RASA2: variants seen among roughly 807,000 people sequenced by gnomAD.
RASA2 encodes RAS p21 protein activator 2.
RASA2 carries 155 observed loss-of-function variants against 118.2 expected under a neutral mutation model. That is an observed-to-expected ratio of 1.31 (90% CI 1.15 to 1.50). The LOEUF is 1.50. Among genes scored for constraint, RASA2 ranks in the 40% most tolerant of loss-of-function variants. RASA2 has a pLI of 0.00. For synonymous variants in RASA2, 353 were observed against 349.1 expected, an observed-to-expected ratio of 1.01 and a Z score of -0.12; for missense variants, 1,016 against 1,009.6, an observed-to-expected ratio of 1.01 and a Z score of -0.09.
chr3:141,488,091 A>T (rs1056972740), intron 1 of RASA2, among the ~76,000 whole-genome samples: 1 of 152,178 alleles, frequency 6.6e-6, no homozygotes, highest in Non-Finnish European at 1.5e-5. Flanking sequence ...TCCGAGCATT[A>T]CTGTGGACAG....
chr3:141,488,892 T>G (rs1251923611), intron 1 of RASA2, among the ~76,000 whole-genome samples: 1 of 152,204 alleles, frequency 6.6e-6, no homozygotes, highest in Admixed American at 6.5e-5. Flanking sequence ...AACTGCAGGT[T>G]TTACCATGGA....
rs1428936655 is a variant in RASA2, at chr3:141,586,969, G to A, written c.1933+217G>A. The A allele has an allele frequency of 5.3e-6, 3 of 566,596 alleles. No homozygotes were observed. In the African/African-American group the frequency reaches 5.7e-5, roughly 11 times the overall value. The allele number at this position is 566,596 out of a possible 1,614,324, so 35.1% of individuals were successfully genotyped here. A position where few individuals can be genotyped will look rare whatever the true frequency, so the allele number is the denominator to read the frequency against. On this transcript the variant is annotated intron_variant, in intron 19 of 23. Coordinates refer to ENST00000286364, the MANE Select transcript of RASA2 (RefSeq NM_006506.5). ...TAAATTTCTTGAGTTTCTGAAAATG[G>A]TGTTCCTTCAGTGTGCTCTGTTTTC...
intron 5 of RASA2, among the ~76,000 whole-genome samples, chr3:141,548,512 A>G (rs914168941): frequency 1.3e-5 from 2 of 152,056 alleles, no homozygotes; most frequent in Non-Finnish European, 1.5e-5. Flanking sequence ...ACTGTCTTGT[A>G]GCAGCAGAGT....
In RASA2 at chr3:141,529,671, G is replaced by A. The variant is rs111720442; in HGVS notation, c.356-37G>A. ...CTAATGAGTCTTAGGATTATACGAA[G>A]CATGTTTTCTTATATTGTTTTACTT... On this transcript the variant is annotated intron_variant, in intron 3 of 23. Coordinates refer to ENST00000286364, the MANE Select transcript of RASA2 (RefSeq NM_006506.5). 4.0e-5 allele frequency: 57 copies of A among 1,437,864 alleles called. No homozygotes were observed. The African/African-American group carries it at 5.2e-4, about 13-fold the overall frequency. 89.1% of individuals were successfully genotyped at this position (1,437,864 alleles called of 1,614,324 possible). A position where few individuals can be genotyped will look rare whatever the true frequency, so the allele number is the denominator to read the frequency against.
intron 15 of RASA2, among the ~76,000 whole-genome samples, chr3:141,580,085 A>AATATATATATATATATATAT (rs1207351331): frequency 3.4e-5 from 2 of 59,594 alleles, no homozygotes; most frequent in African/African-American, 6.8e-5. Context: ...AAAAAAAAAA[A>AATATATATATATATATATAT]ATATATATAT....
At chr3:141,513,771 C>T (rs545419850) in intron 2 of RASA2, among the ~76,000 whole-genome samples, 14 of 152,272 alleles carry the variant, frequency 9.2e-5, no homozygotes, top group African/African-American at 2.9e-4. Flanking sequence ...GAGTATTTTA[C>T]TTTATATTTC....
At chr3:141,563,499 AT>A (rs1466780004) in intron 9 of RASA2, among the ~76,000 whole-genome samples, 1 of 152,184 alleles carries the variant, frequency 6.6e-6, no homozygotes, top group Non-Finnish European at 1.5e-5. Context: ...ATTGATAGTT[AT>A]TCATATATTT....
intron 4 of RASA2, among the ~76,000 whole-genome samples, chr3:141,538,193 T>C (rs1471738738): frequency 6.6e-6 from 1 of 152,104 alleles, no homozygotes; most frequent in African/African-American, 2.4e-5. Context: ...AACTGAACTT[T>C]TGTGTGAAAA....
At chr3:141,571,974 C>T (rs1314425990) in intron 11 of RASA2, among the ~76,000 whole-genome samples, 1 of 148,652 alleles carries the variant, frequency 6.7e-6, no homozygotes, top group Non-Finnish European at 1.5e-5. Flanking sequence ...CACACAGAGA[C>T]ATACATATAC....
chr3:141,527,057 TTA>T (rs1482015767), intron 3 of RASA2, among the ~76,000 whole-genome samples: 3 of 152,296 alleles, frequency 2.0e-5, no homozygotes, highest in African/African-American at 7.2e-5. Context: ...GCATTGTTAG[TTA>T]AATAGAGTTT....
intron 1 of RASA2, among the ~76,000 whole-genome samples, chr3:141,509,350 C>T (rs1387997811): frequency 3.3e-5 from 5 of 152,316 alleles, no homozygotes; most frequent in African/African-American, 1.2e-4. Flanking sequence ...AAAATAACCT[C>T]ATTGTCTCTC....
intron 4 of RASA2, among the ~76,000 whole-genome samples, chr3:141,536,553 C>G (rs547744816): frequency 3.9e-5 from 6 of 152,218 alleles, no homozygotes; most frequent in Non-Finnish European, 5.9e-5. Context: ...CTATGGAAGT[C>G]ATATAGAGCA....
intron 3 of RASA2, among the ~76,000 whole-genome samples, chr3:141,524,017 T>C (rs1445772320): frequency 6.6e-6 from 1 of 152,244 alleles, no homozygotes; most frequent in East Asian, 1.9e-4. Flanking sequence ...TGGTGTCTGT[T>C]TGCACAGGGA....
chr3:141,562,413 G>A (rs1399145234), intron 9 of RASA2, among the ~76,000 whole-genome samples: 1 of 147,576 alleles, frequency 6.8e-6, no homozygotes, highest in African/African-American at 2.5e-5. Context: ...CATGAGGTCA[G>A]GAGATCGAGA....
intron 9 of RASA2, among the ~76,000 whole-genome samples, chr3:141,566,717 T>TA (rs1177974363): frequency 5.3e-5 from 8 of 151,610 alleles, no homozygotes; most frequent in Non-Finnish European, 8.8e-5. Context: ...AGTCTTTTAT[T>TA]AAAAAAAAAT....
intron 9 of RASA2, among the ~76,000 whole-genome samples, chr3:141,563,242 T>C (rs1388638443): frequency 6.6e-6 from 1 of 152,190 alleles, no homozygotes; most frequent in Non-Finnish European, 1.5e-5. Context: ...TATTCCCTGT[T>C]TCTTTTTCTT....
intron 18 of RASA2, 40 bp downstream of exon 18, chr3:141,586,138 A>G (rs766970508): frequency 3.3e-6 from 5 of 1,514,868 alleles, no homozygotes; most frequent in Admixed American, 3.5e-5. Context: ...ATATATCAGT[A>G]TAGATATTAA....
intron 1 of RASA2, among the ~76,000 whole-genome samples, chr3:141,496,141 T>G (rs190014522): frequency 3.3e-5 from 5 of 152,156 alleles, no homozygotes; most frequent in African/African-American, 1.2e-4. Context: ...CTGGAACCCT[T>G]CCTTACACCT....
At chr3:141,577,362 T>A (rs998577404) in intron 15 of RASA2, among the ~76,000 whole-genome samples, 21 of 152,098 alleles carry the variant, frequency 1.4e-4, no homozygotes, top group African/African-American at 5.1e-4. Context: ...ACAAAGGGGA[T>A]TTATTATATT....
Sources: gnomAD v4.1 joint callset for allele counts (sites outside exome capture counted in the v4.1 genomes callset) on GRCh38, gnomAD v4.1.1 for gene constraint, MANE v1.5 for transcripts, NCBI Gene and HGNC (gene_info 2026-07-23, HGNC 2026-07-21) for gene names.